Variants in TCOF1 observed in about 807,000 individuals in gnomAD.
TCOF1 encodes the protein treacle ribosome biogenesis factor 1, also known as treacle protein.
Under a neutral mutation model 149.0 loss-of-function variants are expected in TCOF1, and 33 were observed. The ratio of observed to expected loss-of-function variants is 0.22; its 90% confidence interval spans 0.17 to 0.30. TCOF1 has a LOEUF of 0.30. Among genes scored for constraint, TCOF1 ranks in the 10% least tolerant of loss-of-function variants. TCOF1 has a pLI of 1.00. For synonymous variants in TCOF1, 789 were observed against 738.8 expected (o/e 1.07, Z -1.10); for missense variants, 1,728 against 1,840.7 (o/e 0.94, Z 1.12).
chr5:150,384,452 T>C, intron 17 of TCOF1: 1 of 985,462 alleles, frequency 1.0e-6, no homozygotes, highest in Non-Finnish European at 1.2e-6. Context: ...TTCTGACCCG[T>C]TGCCTGGTGC....
At chr5:150,388,791 T>C (rs1352176431) in intron 18 of TCOF1, among the ~76,000 whole-genome samples, 1 of 150,668 alleles carries the variant, frequency 6.6e-6, no homozygotes, top group East Asian at 2.0e-4. Context: ...TACAAAAAAT[T>C]AGCCTGGCGG....
At chr5:150,374,932 C>T (rs1430325283) in intron 9 of TCOF1, 22 bp from the exon 10 acceptor site, 2 of 1,613,670 alleles carry the variant, frequency 1.2e-6, no homozygotes, top group South Asian at 2.2e-5. Context: ...GGGCTCTCCC[C>T]TCATCCTGTT....
intron 23 of TCOF1, among the ~76,000 whole-genome samples, chr5:150,395,973 A>G (rs1768415269): frequency 6.6e-6 from 1 of 152,204 alleles, no homozygotes; most frequent in African/African-American, 2.4e-5. Context: ...TTTTCATTCC[A>G]TTGATAGATT....
At chr5:150,391,707 AGGCGT>A in intron 20 of TCOF1, 50 bp downstream of exon 20, 1 of 1,549,240 alleles carries the variant, frequency 6.5e-7, no homozygotes, top group Non-Finnish European at 8.8e-7. Context: ...TAGAAGGTGC[AGGCGT>A]GGCCCTGCAT....
chr5:150,365,253 CTTTTT>C (rs991524826), intron 3 of TCOF1, among the ~76,000 whole-genome samples: 2,722 of 116,472 alleles, frequency 0.023, 95 homozygotes, highest in African/African-American at 0.08. Flanking sequence ...CTTTTTCTTT[CTTTTT>C]TTTTTTTTTT....
intron 23 of TCOF1, among the ~76,000 whole-genome samples, chr5:150,395,070 C>T (rs1480545953): frequency 6.6e-6 from 1 of 152,236 alleles, no homozygotes; most frequent in African/African-American, 2.4e-5. Flanking sequence ...TCCAGCCGTC[C>T]CGGGGGCCCC....
Position 150,376,281 on chromosome 5 carries a change from A to C in TCOF1, c.2093A>C (p.Glu698Ala). 1 of 1,614,118 alleles carries C rather than the reference A, an allele frequency of 6.2e-7. No homozygotes were observed. The highest frequency in any genetic ancestry group is 8.5e-7 in the Non-Finnish European group (1 of 1,180,008). ...RPAEDSSSSE[E>A]SDSEEEKTGL... ...GCAGAGGATTCTTCAAGCAGTGAGGAATCAGATAGTGAGGAAGAGAAGACA... is the reference window on the plus strand; with the variant it reads ...GCAGAGGATTCTTCAAGCAGTGAGGCATCAGATAGTGAGGAAGAGAAGACA... Residue 698 changes from glutamate (E) to alanine (A), a missense_variant, in exon 13 of 27, where the codon GAA becomes GCA. Transcript: ENST00000643257.
chr5:150,395,554 C>G (rs1768300370), intron 23 of TCOF1, among the ~76,000 whole-genome samples: 1 of 150,962 alleles, frequency 6.6e-6, no homozygotes, highest in Non-Finnish European at 1.5e-5. Flanking sequence ...TTTTTTTACA[C>G]GTGTAGTCAG....
intron 18 of TCOF1, among the ~76,000 whole-genome samples, chr5:150,388,644 A>G (rs1420293659): frequency 2.0e-5 from 3 of 152,230 alleles, no homozygotes; most frequent in Non-Finnish European, 4.4e-5. Context: ...TGATAGGACA[A>G]TTTAAAAATG....
rs1234132642 is a variant in TCOF1, at chr5:150,368,636, A to G, written c.379-80A>G. 7 of 1,528,798 alleles carry G rather than the reference A, an allele frequency of 4.6e-6. No homozygotes were observed. The African/African-American group carries it at 9.6e-5, about 21-fold the overall frequency. The allele number at this position is 1,528,798 out of a possible 1,614,324, so 94.7% of individuals were successfully genotyped here. ...ACTCACACAGCTAAGAAGTGGTAAGATTGGGTTCAGATGCAAGTGGCCTGT... is the reference window on the plus strand; with the variant it reads ...ACTCACACAGCTAAGAAGTGGTAAGGTTGGGTTCAGATGCAAGTGGCCTGT... On this transcript the variant is annotated intron_variant, in intron 4 of 26. Transcript: ENST00000643257.
chr5:150,374,209 T>G lies in TCOF1; in HGVS notation c.906T>G (p.Ala302=). Residue 302 remains alanine (A), a synonymous_variant, in exon 8 of 27, where the codon GCT becomes GCG. Transcript: ENST00000643257. ...CTGAAAAAATTCTCCAGGTCAGAGCTGCCTCAGCCCCTGCCAAGGGGACCC... is the reference window on the plus strand; with the variant it reads ...CTGAAAAAATTCTCCAGGTCAGAGCGGCCTCAGCCCCTGCCAAGGGGACCC... The part of the protein sequence containing the change: ...KASEKILQVR[A]ASAPAKGTPG... The G allele has an allele frequency of 6.2e-7, 1 of 1,612,860 alleles. No individual in the cohort carries two copies. The highest frequency in any genetic ancestry group is 8.5e-7 in the Non-Finnish European group (1 of 1,179,638).
rs1183145954 is a variant in TCOF1, at chr5:150,387,864, T to G, written c.2860-38T>G. ...TCACCTCCTTTCCCTGGCCAAGCCT[T>G]TAATCACTGGGGGGGTGTTTTGTTT... is the stretch of plus-strand genomic sequence containing the variant. On this transcript the variant is annotated intron_variant, in intron 17 of 26. Coordinates refer to ENST00000643257, the MANE Select transcript of TCOF1 (RefSeq NM_001371623.1). The G allele has an allele frequency of 5.0e-6, 8 of 1,613,138 alleles. No homozygotes were observed. In the East Asian group the frequency reaches 1.8e-4, roughly 36 times the overall value.
intron 2 of TCOF1, among the ~76,000 whole-genome samples, chr5:150,363,346 G>A (rs1369441769): frequency 2.0e-5 from 3 of 152,188 alleles, no homozygotes; most frequent in African/African-American, 7.2e-5. Flanking sequence ...ACAGAGCAGA[G>A]TCCATCGCAG....
chr5:150,373,232 G>GTGTA (rs1367391106), intron 7 of TCOF1, among the ~76,000 whole-genome samples: 4 of 152,078 alleles, frequency 2.6e-5, no homozygotes, highest in Non-Finnish European at 1.5e-5. Flanking sequence ...GTGTGTGTGT[G>GTGTA]TGTATAGACA....
chr5:150,363,314 T>TA (rs1216678580), intron 2 of TCOF1, among the ~76,000 whole-genome samples: 1 of 152,160 alleles, frequency 6.6e-6, no homozygotes, highest in Non-Finnish European at 1.5e-5. Flanking sequence ...CAAGGGACCC[T>TA]ACTATCACAT....
chr5:150,369,914 G>A (rs1221406066), intron 6 of TCOF1, among the ~76,000 whole-genome samples: 2 of 152,192 alleles, frequency 1.3e-5, no homozygotes, highest in African/African-American at 2.4e-5. Context: ...GGGAAGGGAT[G>A]TGGAGGAGGC....
intron 3 of TCOF1, among the ~76,000 whole-genome samples, chr5:150,365,997 T>C (rs1013177958): frequency 2.0e-5 from 3 of 150,666 alleles, no homozygotes; most frequent in African/African-American, 4.9e-5. Context: ...GGCGTGTGCT[T>C]GTAGTTTCAG....
chr5:150,379,156 T>G, intron 15 of TCOF1, 73 bp from the exon 16 acceptor site: 1 of 1,613,964 alleles, frequency 6.2e-7, no homozygotes, highest in Non-Finnish European at 8.5e-7. Flanking sequence ...CACCCAGAGT[T>G]GTGCCATAGT....
At chr5:150,373,580 C>T (rs1204672302) in intron 7 of TCOF1, among the ~76,000 whole-genome samples, 4 of 152,176 alleles carry the variant, frequency 2.6e-5, no homozygotes, top group African/African-American at 4.8e-5. Context: ...AGAGCCCCAC[C>T]GAGGAGTTAG....
Sources: gnomAD v4.1 joint callset for allele counts (sites outside exome capture counted in the v4.1 genomes callset) on GRCh38, gnomAD v4.1.1 for gene constraint, MANE v1.5 for transcripts, NCBI Gene and HGNC (gene_info 2026-07-23, HGNC 2026-07-21) for gene names.